RGS7: variants seen among roughly 807,000 people sequenced by gnomAD.
RGS7 encodes regulator of G-protein signaling 7.
Under a neutral mutation model 81.1 loss-of-function variants are expected in RGS7, and 27 were observed. The ratio of observed to expected loss-of-function variants is 0.33; its 90% CI spans 0.25 to 0.46. The LOEUF is 0.46. Ranked by LOEUF, RGS7 falls within the 20% of genes least tolerant of loss-of-function variation. RGS7 has a pLI of 1.00. For missense variants in RGS7, 396 were observed against 607.4 expected (o/e 0.65, Z 3.66); for synonymous variants, 208 against 207.7 (o/e 1.00, Z -0.01).
At position 241,315,842 on chromosome 1, in the gene RGS7, T is replaced by C. The variant is rs879817812; in HGVS notation, c.78+39857A>G. Among the ~76,000 whole-genome samples the C allele has an allele frequency of 2.0e-5, 3 of 152,232 alleles. No individual in the cohort carries two copies. In the East Asian group the frequency reaches 5.8e-4, roughly 29 times the overall value. The stretch of plus-strand genomic sequence containing the variant: ...TGATGTCAGCTGTGCCCTTTTCATA[T>C]ACAGCCTTCATTATGTTGAAGTAAA... On this transcript the variant is annotated intron_variant, in intron 2 of 18. Transcript: ENST00000440928.
intron 10 of RGS7, among the ~76,000 whole-genome samples, chr1:240,821,731 C>A (rs970530768): frequency 2.0e-5 from 3 of 152,140 alleles, no homozygotes; most frequent in Non-Finnish European, 2.9e-5. Flanking sequence ...CTAGGATGTG[C>A]ACATTAGCTT....
chr1:240,848,803 A>G (rs1659569388), intron 9 of RGS7, among the ~76,000 whole-genome samples: 2 of 152,204 alleles, frequency 1.3e-5, no homozygotes, highest in South Asian at 4.1e-4. Flanking sequence ...TAACATTTGA[A>G]TGCCAAAAAG....
chr1:241,314,649 T>C (rs1167959252), intron 2 of RGS7, among the ~76,000 whole-genome samples: 2 of 152,174 alleles, frequency 1.3e-5, no homozygotes, highest in Admixed American at 6.5e-5. Flanking sequence ...AAGTAATAAA[T>C]GTTATGAACA....
chr1:240,950,956 T>C (rs1022395327), intron 4 of RGS7, among the ~76,000 whole-genome samples: 1 of 151,720 alleles, frequency 6.6e-6, no homozygotes, highest in Non-Finnish European at 1.5e-5. Context: ...GGAGTTTCAC[T>C]TTGTTGTCCA....
At chr1:240,775,373 T>C (rs1682792106), downstream of RGS7, 1 of 152,232 alleles carries the variant, frequency 6.6e-6, no homozygotes, top group Admixed American at 6.5e-5. Context: ...TGCCCCTGGC[T>C]TCCGTACTAT....
At chr1:240,975,275 G>A (rs773171491) in intron 4 of RGS7, among the ~76,000 whole-genome samples, 3 of 152,082 alleles carry the variant, frequency 2.0e-5, no homozygotes, top group Non-Finnish European at 4.4e-5. Flanking sequence ...GCTGGTGTGC[G>A]CCTGTAGTCT....
chr1:240,911,339 T>C (rs1671717955), intron 6 of RGS7, among the ~76,000 whole-genome samples: 1 of 152,180 alleles, frequency 6.6e-6, no homozygotes, highest in African/African-American at 2.4e-5. Flanking sequence ...TCTTCACCTC[T>C]CATCCTCTCC....
intron 3 of RGS7, among the ~76,000 whole-genome samples, chr1:241,075,575 C>T (rs2062745921): frequency 6.6e-6 from 1 of 151,854 alleles, no homozygotes; most frequent in African/African-American, 2.4e-5. Flanking sequence ...ATAAATCACA[C>T]TAACACTAAC....
At chr1:241,215,454 G>A (rs1372144009) in intron 2 of RGS7, among the ~76,000 whole-genome samples, 1 of 152,198 alleles carries the variant, frequency 6.6e-6, no homozygotes, top group South Asian at 2.1e-4. Context: ...AGGGCTCCTT[G>A]ACTATTTCCC....
chr1:240,865,409 T>G (rs1663058938), intron 9 of RGS7, among the ~76,000 whole-genome samples: 1 of 152,246 alleles, frequency 6.6e-6, no homozygotes, highest in South Asian at 2.1e-4. Flanking sequence ...TCTGGACAGT[T>G]TGAGATACTC....
At chr1:241,118,717 A>C (rs1202219552) in intron 2 of RGS7, among the ~76,000 whole-genome samples, 2 of 152,188 alleles carry the variant, frequency 1.3e-5, no homozygotes, top group African/African-American at 4.8e-5. Context: ...AGTCTTAAAA[A>C]AGAATGAAAT....
intron 9 of RGS7, among the ~76,000 whole-genome samples, chr1:240,841,007 G>A (rs923194084): frequency 2.6e-5 from 4 of 152,122 alleles, no homozygotes; most frequent in African/African-American, 7.2e-5. Flanking sequence ...CCTCTTGGCC[G>A]ACTGATCATC....
intron 3 of RGS7, among the ~76,000 whole-genome samples, chr1:241,058,864 G>A (rs1410197914): frequency 6.6e-6 from 1 of 152,166 alleles, no homozygotes; most frequent in Non-Finnish European, 1.5e-5. Flanking sequence ...GGCATTGACT[G>A]AATACTCTTC....
chr1:240,951,361 T>G (rs945590171), intron 4 of RGS7, among the ~76,000 whole-genome samples: 1 of 152,174 alleles, frequency 6.6e-6, no homozygotes, highest in African/African-American at 2.4e-5. Context: ...AAATTGTAAT[T>G]AATATGTTAG....
Position 241,144,936 on chromosome 1 carries a change from T to C in RGS7, c.79-46174A>G, listed in dbSNP as rs1455094853. 6.8e-6 allele frequency among the ~76,000 whole-genome samples: 1 copy of C among 146,378 alleles called. No homozygotes were observed. The highest frequency in any genetic ancestry group is 1.5e-5 in the Non-Finnish European group (1 of 67,758). On this transcript the variant is annotated intron_variant, in intron 2 of 18. Coordinates refer to ENST00000440928, the MANE Select transcript of RGS7 (RefSeq NM_001364886.1). This position sits in a 1 kb window ranked among gnomAD's most constrained non-coding sequence, Gnocchi z 4.7. ...TTGGCAGGGCAGGATGGTGTGTGTG[T>C]GTGTGTGTGTGTGTGTGTGTGTGTG...
At chr1:240,983,263 C>T (rs1481787293) in intron 3 of RGS7, 134 bp from the exon 4 acceptor site, 2 of 536,452 alleles carry the variant, frequency 3.7e-6, no homozygotes, top group African/African-American at 3.8e-5. Flanking sequence ...GATTAAGGAT[C>T]TACCCCAGAT....
intron 2 of RGS7, among the ~76,000 whole-genome samples, chr1:241,176,974 T>C (rs1452661858): frequency 1.3e-5 from 2 of 152,116 alleles, no homozygotes; most frequent in East Asian, 3.9e-4. Flanking sequence ...TGAAGCGGAC[T>C]CCTAAGGCCA....
intron 18 of RGS7, among the ~76,000 whole-genome samples, chr1:240,781,332 G>A (rs781594712): frequency 2.0e-5 from 3 of 152,226 alleles, no homozygotes; most frequent in East Asian, 1.9e-4. Context: ...TGGACCAGGC[G>A]AGGTGGCTCA....
intron 3 of RGS7, among the ~76,000 whole-genome samples, chr1:241,052,650 G>A (rs2061311704): frequency 6.6e-6 from 1 of 152,094 alleles, no homozygotes; most frequent in South Asian, 2.1e-4. Context: ...AATTTTCTGA[G>A]TTGATTTGGC....
Sources: allele counts gnomAD v4.1 joint callset (sites outside exome capture counted in the v4.1 genomes callset), GRCh38; gene constraint gnomAD v4.1.1; non-coding constraint Gnocchi (gnomAD v3.1); transcripts MANE v1.5; gene names NCBI Gene and HGNC (gene_info 2026-07-23, HGNC 2026-07-21).